Variants in UBTD1 observed in about 807,000 individuals in gnomAD.
UBTD1 encodes ubiquitin domain containing 1.
A neutral mutation model predicts 21.7 loss-of-function variants in UBTD1; 19 were observed. The observed-to-expected ratio is 0.87, with a 90% CI of 0.61 to 1.28. The LOEUF (loss-of-function observed/expected upper bound fraction) is 1.28. UBTD1 is among the 50% of genes most tolerant of loss of function. The probability of loss-of-function intolerance (pLI) is 0.00; values close to 1 mark genes in which losing one functional copy is unlikely to be tolerated. For missense variants in UBTD1, 282 were observed against 315.1 expected (o/e 0.89, Z 0.80); for synonymous variants, 116 against 135.1 (o/e 0.86, Z 0.98).
intron 2 of UBTD1, among the ~76,000 whole-genome samples, 176 bp from the exon 3 acceptor site, chr10:97,569,962 G>C (rs771628113): frequency 1.4e-4 from 22 of 152,034 alleles, no homozygotes; most frequent in African/African-American, 5.3e-4. Context: ...GGGTCAGAAG[G>C]TCAGGGCCCC....
chr10:97,517,195 G>A (rs2040448285), intron 1 of UBTD1, among the ~76,000 whole-genome samples: 1 of 152,186 alleles, frequency 6.6e-6, no homozygotes, highest in Non-Finnish European at 1.5e-5. Flanking sequence ...TTTGGCGACA[G>A]TCTGGCTGAA....
chr10:97,513,242 T>C (rs573433129), intron 1 of UBTD1, among the ~76,000 whole-genome samples: 6 of 152,220 alleles, frequency 3.9e-5, no homozygotes, highest in Non-Finnish European at 8.8e-5. Context: ...ATATTATACA[T>C]GTATATCTCA....
intron 1 of UBTD1, among the ~76,000 whole-genome samples, chr10:97,563,642 G>C (rs2040703821): frequency 6.6e-6 from 1 of 152,154 alleles, no homozygotes; most frequent in Admixed American, 6.5e-5. Flanking sequence ...GTCAAGAGTG[G>C]CGGATTAGGG....
intron 1 of UBTD1, among the ~76,000 whole-genome samples, chr10:97,550,455 G>A (rs2040631522): frequency 6.6e-6 from 1 of 152,118 alleles, no homozygotes; most frequent in Non-Finnish European, 1.5e-5. Context: ...AAGAATTGAA[G>A]GAGGGGCCAG....
chr10:97,538,553 C>T (rs1218197641), intron 1 of UBTD1, among the ~76,000 whole-genome samples: 1 of 152,190 alleles, frequency 6.6e-6, no homozygotes, highest in Non-Finnish European at 1.5e-5. Flanking sequence ...TCAGCCCAGA[C>T]AGTGATATGA....
At position 97,558,995 on chromosome 10, in the gene UBTD1, C is replaced by T. The variant is rs921181147; in HGVS notation, c.71-8919C>T. Among the ~76,000 whole-genome samples, 67 of 152,172 alleles carry T rather than the reference C, an allele frequency of 4.4e-4. 2 individuals carry two copies. Among genetic ancestry groups the T allele is most frequent in the Non-Finnish European group, 1.5e-5 (1 of 68,034 alleles). ...TGCCCAGTAAAGGTCCACCACAATA[C>T]CACCACGCATCCGCTCGGGGATGAA... On this transcript the variant is annotated intron_variant, in intron 1 of 2. Coordinates refer to ENST00000370664, the MANE Select transcript of UBTD1 (RefSeq NM_024954.5).
At chr10:97,502,684 A>G (rs987661735) in intron 1 of UBTD1, among the ~76,000 whole-genome samples, 1 of 151,952 alleles carries the variant, frequency 6.6e-6, no homozygotes, top group Non-Finnish European at 1.5e-5. Context: ...TTGTAATGTC[A>G]CCCTTTGTCC....
At chr10:97,566,525 A>G (rs543995353) in intron 1 of UBTD1, among the ~76,000 whole-genome samples, 87 of 152,324 alleles carry the variant, frequency 5.7e-4, no homozygotes, top group African/African-American at 1.5e-3. Context: ...CTCACTTACT[A>G]TGTGACCTGG....
chr10:97,559,213 G>A (rs904379413), intron 1 of UBTD1, among the ~76,000 whole-genome samples: 82 of 152,332 alleles, frequency 5.4e-4, no homozygotes, highest in African/African-American at 1.9e-3. Flanking sequence ...AGCTTGGCAT[G>A]ACTTATTACT....
intron 1 of UBTD1, among the ~76,000 whole-genome samples, chr10:97,506,361 A>G (rs1427195011): frequency 6.6e-6 from 1 of 152,210 alleles, no homozygotes; most frequent in Non-Finnish European, 1.5e-5. Context: ...GTGGGCCCCA[A>G]ACTACGTGGT....
intron 1 of UBTD1, among the ~76,000 whole-genome samples, chr10:97,505,944 G>T (rs2040397751): frequency 1.3e-5 from 2 of 152,102 alleles, no homozygotes; most frequent in African/African-American, 4.8e-5. Context: ...AACTATTTTT[G>T]GATGGGAATC....
rs2040737488 is a variant in UBTD1 at position 97,570,036 on chromosome 10, T to C, written c.299-102T>C. On this transcript the variant is annotated intron_variant, in intron 2 of 2. Transcript: ENST00000370664. The surrounding 1 kb of genome is among the most constrained non-coding windows in gnomAD (Gnocchi z 6.6). ...GGCCCCATGTCCAAATACAGTCACA[T>C]TGGGGGTTAGAGTTTCACCATATGA... 2 of 1,467,072 alleles carry C rather than the reference T, an allele frequency of 1.4e-6. No homozygotes were observed. Among genetic ancestry groups the C allele is most frequent in the Non-Finnish European group, 1.8e-6 (2 of 1,094,538 alleles). The allele number at this position is 1,467,072 out of a possible 1,614,324, so 90.9% of individuals were successfully genotyped here. A position where few individuals can be genotyped will look rare whatever the true frequency, so the allele number is the denominator to read the frequency against.
At chr10:97,510,177 C>G (rs552937349) in intron 1 of UBTD1, among the ~76,000 whole-genome samples, 4 of 151,354 alleles carry the variant, frequency 2.6e-5, no homozygotes, top group African/African-American at 9.7e-5. Context: ...GTTGGCCAGG[C>G]TGATCTCGAA....
intron 1 of UBTD1, among the ~76,000 whole-genome samples, chr10:97,529,562 G>T (rs2040517466): frequency 6.6e-6 from 1 of 151,358 alleles, no homozygotes; most frequent in South Asian, 2.1e-4. Flanking sequence ...AGGAGCTGGA[G>T]ACCAGCCCGG....
intron 1 of UBTD1, among the ~76,000 whole-genome samples, chr10:97,519,763 TG>T (rs2040459277): frequency 6.6e-6 from 1 of 152,008 alleles, no homozygotes; most frequent in Non-Finnish European, 1.5e-5. Context: ...CAGTTTTAGG[TG>T]GGGGTGTATA....
At chr10:97,561,550 G>A (rs1333949835) in intron 1 of UBTD1, among the ~76,000 whole-genome samples, 1 of 152,088 alleles carries the variant, frequency 6.6e-6, no homozygotes, top group Non-Finnish European at 1.5e-5. Context: ...ATGCACCGGT[G>A]GTCAGAGAGA....
chr10:97,553,424 G>A lies in UBTD1; in HGVS notation c.71-14490G>A, dbSNP rs544194034. ...GGGATTACAGGCGTGAGCCACCGCG[G>A]CCAGCCAATATCTTTTTAAGTAAAT... is the stretch of plus-strand genomic sequence containing the variant. On this transcript the variant is annotated intron_variant, in intron 1 of 2. Transcript: ENST00000370664. 3.9e-5 allele frequency among the ~76,000 whole-genome samples: 6 copies of A among 152,282 alleles called. No homozygotes were observed. In the South Asian group the frequency reaches 1.2e-3, roughly 32 times the overall value.
At chr10:97,561,589 G>A (rs547163641) in intron 1 of UBTD1, among the ~76,000 whole-genome samples, 1 of 152,266 alleles carries the variant, frequency 6.6e-6, no homozygotes, top group Admixed American at 6.5e-5. Context: ...GTTTCACGAT[G>A]TTCTTCTATA....
intron 1 of UBTD1, among the ~76,000 whole-genome samples, chr10:97,534,575 G>GCACACACACA (rs1220230746): frequency 4.3e-5 from 2 of 46,932 alleles, no homozygotes; most frequent in Admixed American, 6.9e-4. Context: ...ACACACGCGC[G>GCACACACACA]CGCGCACACA....
Sources: gnomAD v4.1 joint callset for allele counts (sites outside exome capture counted in the v4.1 genomes callset) on GRCh38, gnomAD v4.1.1 for gene constraint, Gnocchi (gnomAD v3.1) non-coding constraint, MANE v1.5 for transcripts, NCBI Gene and HGNC (gene_info 2026-07-23, HGNC 2026-07-21) for gene names.